Variants in CEP162 observed in about 807,000 individuals in gnomAD.
CEP162 encodes the protein centrosomal protein 162.
CEP162 carries 141 observed loss-of-function variants against 169.2 expected under a neutral mutation model. The ratio of observed to expected loss-of-function variants is 0.83; its 90% CI spans 0.73 to 0.96. The LOEUF (loss-of-function observed/expected upper bound fraction) is 0.96. CEP162 is among the 40% of genes least tolerant of loss of function. The probability of loss-of-function intolerance (pLI) is 0.00; values close to 1 mark genes in which losing one functional copy is unlikely to be tolerated. For synonymous variants in CEP162, 540 were observed against 526.4 expected (o/e 1.03, Z -0.35); for missense variants, 1,600 against 1,587.2 (o/e 1.01, Z -0.14).
At chr6:84,171,152 T>C (rs2099529957) in intron 17 of CEP162, among the ~76,000 whole-genome samples, 1 of 152,230 alleles carries the variant, frequency 6.6e-6, no homozygotes, top group African/African-American at 2.4e-5. Flanking sequence ...GGAGTTATCC[T>C]TCAGTATATC....
intron 25 of CEP162, among the ~76,000 whole-genome samples, chr6:84,144,480 A>C: frequency 6.6e-6 from 1 of 152,110 alleles, no homozygotes; most frequent in Middle Eastern, 3.2e-3. Context: ...AAGTCTTATC[A>C]TCCACAGATA....
chr6:84,134,716 C>T (rs1227654921), intron 25 of CEP162, among the ~76,000 whole-genome samples: 1 of 152,130 alleles, frequency 6.6e-6, no homozygotes, highest in East Asian at 1.9e-4. Context: ...CCAGGTACCT[C>T]AGTTGGAAAT....
At position 84,155,323 on chromosome 6, in the gene CEP162, A is replaced by G. The variant is rs757698625; in HGVS notation, c.2969T>C (p.Met990Thr). The G allele has an allele frequency of 1.9e-6, 3 of 1,613,470 alleles. No homozygotes were observed. Among genetic ancestry groups the G allele is most frequent in the Non-Finnish European group, 2.5e-6 (3 of 1,179,610 alleles). ...CTTCATTTTCTGAAACTGTTGTTCC[A>G]TGGTACGAAGGCTTTTCTTTGCATC... ...DEDAKKSLRT[M>T]EQQFQKMKIQ... The change falls in exon 22 of 27, where the codon ATG becomes ACG. Residue 990 changes from methionine (M) to threonine (T), a missense_variant. Coordinates refer to ENST00000403245, the MANE Select transcript of CEP162 (RefSeq NM_014895.4).
At chr6:84,219,137 A>G in intron 3 of CEP162, 1 of 1,277,446 alleles carries the variant, frequency 7.8e-7, no homozygotes, top group South Asian at 1.3e-5. Flanking sequence ...CCTCTTCTCA[A>G]GAGGAGTGTT....
intron 25 of CEP162, among the ~76,000 whole-genome samples, chr6:84,137,840 T>C (rs183612805): frequency 4.1e-4 from 62 of 152,208 alleles, no homozygotes; most frequent in African/African-American, 1.5e-3. Context: ...ACCCAAGGAT[T>C]TGAAAAATAC....
intron 11 of CEP162, among the ~76,000 whole-genome samples, chr6:84,193,192 C>G (rs2099540622): frequency 6.6e-6 from 1 of 152,164 alleles, no homozygotes; most frequent in South Asian, 2.1e-4. Flanking sequence ...TAATGAGGAC[C>G]ATTTCTCTTG....
intron 3 of CEP162, chr6:84,219,078 G>A (rs781221271): frequency 1.5e-5 from 12 of 784,098 alleles, no homozygotes; most frequent in South Asian, 3.5e-5. Context: ...TGTAAAAGCC[G>A]CTCACTGTTA....
At chr6:84,188,669 C>T (rs1191442471) in intron 11 of CEP162, among the ~76,000 whole-genome samples, 2 of 152,078 alleles carry the variant, frequency 1.3e-5, no homozygotes, top group Non-Finnish European at 2.9e-5. Context: ...TGTCTTTGAT[C>T]TTGTGAACAG....
At position 84,146,794 on chromosome 6, in the gene CEP162, T is replaced by C. The variant is rs770076768; in HGVS notation, c.3772-9A>G. 6 of 1,406,130 alleles carry C rather than the reference T, an allele frequency of 4.3e-6. No homozygotes were observed. The highest frequency in any genetic ancestry group is 2.4e-5 in the East Asian group (1 of 42,162). The allele number at this position is 1,406,130 out of a possible 1,614,324, so 87.1% of individuals were successfully genotyped here. On this transcript the variant is annotated splice_polypyrimidine_tract_variant and intron_variant, in intron 24 of 26. Transcript: ENST00000403245. ...AAATGTCTTATAAGTACCTAGGAAATTGTTAGAAGTGCTGAGTTAATAAAG... is the reference window on the plus strand; with the variant it reads ...AAATGTCTTATAAGTACCTAGGAAACTGTTAGAAGTGCTGAGTTAATAAAG...
Position 84,125,159 on chromosome 6 carries a change from A to C in CEP162, c.4123T>G (p.Ser1375Ala). 6.2e-7 allele frequency: 1 copy of C among 1,613,474 alleles called. No individual in the cohort carries two copies. Residue 1375 changes from serine to alanine, a missense_variant, in exon 27 of 27, where the codon TCA becomes GCA. Ser to Ala is a moderately conservative substitution (Grantham distance 99, BLOSUM62 1). Transcript: ENST00000403245. Reference protein sequence around the residue: ...ELEKFRTELDSILDVLRELHR... With the variant: ...ELEKFRTELDAILDVLRELHR... ...AGCTCTCGGAGAACATCTAATATTG[A>C]GTCTAGTTCTGTGCGGAACTTCTCC...
intron 18 of CEP162, 54 bp downstream of exon 18, chr6:84,169,274 G>T: frequency 1.0e-6 from 1 of 960,436 alleles, no homozygotes; most frequent in South Asian, 1.8e-5. Flanking sequence ...TAAAAATGGG[G>T]ATTTTTATAA....
intron 11 of CEP162, among the ~76,000 whole-genome samples, chr6:84,191,819 GA>G (rs888409475): frequency 1.6e-4 from 25 of 152,176 alleles, no homozygotes; most frequent in African/African-American, 6.0e-4. Context: ...ACTAGATACT[GA>G]CCAAACTCAT....
At chr6:84,202,649 T>A (rs2099545091) in intron 7 of CEP162, among the ~76,000 whole-genome samples, 2 of 148,328 alleles carry the variant, frequency 1.3e-5, no homozygotes, top group South Asian at 4.4e-4. Context: ...TGCCTCAGCC[T>A]CCCGAGCAGC....
At chr6:84,155,621 C>A (rs1478169594) in intron 21 of CEP162, 111 bp from the exon 22 acceptor site, 10 of 694,782 alleles carry the variant, frequency 1.4e-5, no homozygotes, top group Non-Finnish European at 2.1e-5. Flanking sequence ...TTTCTATATA[C>A]CAATAACAAT....
At chr6:84,169,198 T>G (rs2099529003) in intron 18 of CEP162, 130 bp downstream of exon 18, 1 of 611,862 alleles carries the variant, frequency 1.6e-6, no homozygotes, top group Non-Finnish European at 2.8e-6. Flanking sequence ...TCCCTAAGTT[T>G]TAAATGGTAT....
At chr6:84,166,088 T>C (rs2099527694) in intron 18 of CEP162, among the ~76,000 whole-genome samples, 1 of 152,220 alleles carries the variant, frequency 6.6e-6, no homozygotes, top group Non-Finnish European at 1.5e-5. Flanking sequence ...AAGGCTTGCA[T>C]ATTTCCAGGG....
chr6:84,156,951 G>C (rs1354495082), intron 21 of CEP162, among the ~76,000 whole-genome samples: 7 of 152,026 alleles, frequency 4.6e-5, no homozygotes, highest in Non-Finnish European at 1.5e-5. Flanking sequence ...ACAGACACTG[G>C]AGACTACAAA....
chr6:84,202,932 A>G (rs1174751337), intron 7 of CEP162, among the ~76,000 whole-genome samples: 1 of 152,172 alleles, frequency 6.6e-6, no homozygotes, highest in Admixed American at 6.5e-5. Context: ...CTTGAAAATA[A>G]GAAGATTTAT....
At chr6:84,175,188 T>G in intron 14 of CEP162, 26 bp downstream of exon 14, 3 of 1,422,534 alleles carry the variant, frequency 2.1e-6, no homozygotes, top group Non-Finnish European at 2.8e-6. Flanking sequence ...CATAAAACAT[T>G]ATGATTATTA....
Sources: allele counts gnomAD v4.1 joint callset (sites outside exome capture counted in the v4.1 genomes callset), GRCh38; gene constraint gnomAD v4.1.1; transcripts MANE v1.5; gene names NCBI Gene and HGNC (gene_info 2026-07-23, HGNC 2026-07-21).